Variants in ARHGAP39 observed in about 807,000 individuals in gnomAD.
ARHGAP39 encodes the protein Rho GTPase activating protein 39.
ARHGAP39 carries 44 observed loss-of-function variants against 106.9 expected under a neutral mutation model. The observed-to-expected ratio is 0.41, with a 90% CI of 0.32 to 0.53. ARHGAP39 has a LOEUF of 0.53. Among genes scored for constraint, ARHGAP39 ranks in the 20% least tolerant of loss-of-function variants. The pLI, the probability that ARHGAP39 is intolerant of heterozygous loss-of-function variation, is 0.21. For missense variants in ARHGAP39, 1,496 were observed against 1,577.3 expected (o/e 0.95, Z 0.87); for synonymous variants, 768 against 693.2 (o/e 1.11, Z -1.69).
rs575084388 is a variant in ARHGAP39 at position 144,592,000 on chromosome 8, T to C, written c.81-10723A>G. On this transcript the variant is annotated intron_variant, in intron 2 of 11. Transcript: ENST00000377307. The surrounding 1 kb of genome is among the most constrained non-coding windows in gnomAD (Gnocchi z 5.3). ...AGATTTTAGCAGAACAAAGTTGAGA[T>C]ACTCCCAAAATAGTTTTTCTGAGTA... Among the ~76,000 whole-genome samples, 1 of 152,142 alleles carries C rather than the reference T, an allele frequency of 6.6e-6. No homozygotes were observed. The highest frequency in any genetic ancestry group is 1.9e-4 in the East Asian group (1 of 5,194).
At chr8:144,598,841 G>A (rs1038293251) in intron 2 of ARHGAP39, among the ~76,000 whole-genome samples, 1 of 152,182 alleles carries the variant, frequency 6.6e-6, no homozygotes, top group Non-Finnish European at 1.5e-5. Context: ...AACAGATTTT[G>A]GCTTTTCAGA....
At chr8:144,594,495 G>A (rs959618969) in intron 2 of ARHGAP39, among the ~76,000 whole-genome samples, 2 of 152,110 alleles carry the variant, frequency 1.3e-5, no homozygotes, top group Non-Finnish European at 2.9e-5. Context: ...AGGAGTTCGA[G>A]ACCAGCCTCA....
chr8:144,689,733 C>A (rs1188930233), upstream of ARHGAP39, among the ~76,000 whole-genome samples: 1 of 150,210 alleles, frequency 6.7e-6, no homozygotes, highest in Non-Finnish European at 1.5e-5. Flanking sequence ...AGCCACCACA[C>A]CTGACTAATT....
chr8:144,620,607 G>A (rs539783966), intron 1 of ARHGAP39, among the ~76,000 whole-genome samples: 4 of 152,340 alleles, frequency 2.6e-5, no homozygotes, highest in South Asian at 2.1e-4. Flanking sequence ...GTGTGAGTAC[G>A]TGTGTGTGAG....
intron 1 of ARHGAP39, among the ~76,000 whole-genome samples, chr8:144,676,476 G>A (rs1213325805): frequency 6.6e-6 from 1 of 151,960 alleles, no homozygotes; most frequent in East Asian, 1.9e-4. Flanking sequence ...GCTGACTGGT[G>A]CGTTTACAAA....
chr8:144,568,206 C>T (rs528551197), intron 3 of ARHGAP39, among the ~76,000 whole-genome samples: 8 of 151,864 alleles, frequency 5.3e-5, no homozygotes, highest in East Asian at 1.9e-4. Flanking sequence ...TGGTGGCACA[C>T]GCCTGTAGTC....
intron 7 of ARHGAP39, among the ~76,000 whole-genome samples, chr8:144,536,086 C>T (rs1816941658): frequency 1.3e-5 from 2 of 152,188 alleles, no homozygotes; most frequent in South Asian, 4.1e-4. Flanking sequence ...TGGGCAGTGC[C>T]CATCGCCAGC....
At chr8:144,550,225 T>C (rs968692087) in intron 4 of ARHGAP39, among the ~76,000 whole-genome samples, 6 of 152,052 alleles carry the variant, frequency 3.9e-5, no homozygotes, top group African/African-American at 1.2e-4. Flanking sequence ...CAGTGAGCCA[T>C]GATCGCACCA....
chr8:144,576,768 G>A (rs577800480), intron 3 of ARHGAP39, among the ~76,000 whole-genome samples: 20 of 152,312 alleles, frequency 1.3e-4, no homozygotes, highest in African/African-American at 4.8e-4. Flanking sequence ...AGGCTCTTGA[G>A]GGAGAGTTAT....
rs547164167 is a variant in ARHGAP39 at position 144,678,587 on chromosome 8, G to A, written c.-82+7099C>T. Reference sequence around the variant, plus strand: ...TAGGTTGGGGTCACGCAGCGCTGTGGAGCATGGTCCAGGAGGCACTGGGGA... The same window carrying A: ...TAGGTTGGGGTCACGCAGCGCTGTGAAGCATGGTCCAGGAGGCACTGGGGA... On this transcript the variant is annotated intron_variant, in intron 1 of 11. Transcript: ENST00000377307. Among the ~76,000 whole-genome samples, 4 of 152,312 alleles carry A rather than the reference G, an allele frequency of 2.6e-5. No individual in the cohort carries two copies. The South Asian group carries it at 6.2e-4, about 24-fold the overall frequency.
chr8:144,580,756 T>TGGGGGGGGGGGG, intron 3 of ARHGAP39, 90 bp downstream of exon 3: 1 of 160,868 alleles, frequency 6.2e-6, no homozygotes. Context: ...CGCTCTCACC[T>TGGGGGGGGGGGG]GGCCCCGCCC....
the ARHGAP39 span, among the ~76,000 whole-genome samples, chr8:144,690,986 C>T: frequency 6.6e-6 from 1 of 152,088 alleles, no homozygotes; most frequent in Non-Finnish European, 1.5e-5. Flanking sequence ...AATTGAGTTT[C>T]TGGGCTGGGC....
At chr8:144,546,551 A>C (rs1460937751) in intron 5 of ARHGAP39, among the ~76,000 whole-genome samples, 1 of 152,152 alleles carries the variant, frequency 6.6e-6, no homozygotes, top group Non-Finnish European at 1.5e-5. Context: ...GGTGAGAACA[A>C]GGATGGAGAT....
intron 1 of ARHGAP39, among the ~76,000 whole-genome samples, chr8:144,666,960 C>A (rs1043063107): frequency 6.6e-6 from 1 of 152,152 alleles, no homozygotes; most frequent in Non-Finnish European, 1.5e-5. Context: ...TCCCTTTGAA[C>A]CTTTGTAAAC....
chr8:144,580,084 C>T (rs1443099129), intron 3 of ARHGAP39, among the ~76,000 whole-genome samples: 5 of 152,134 alleles, frequency 3.3e-5, no homozygotes, highest in Non-Finnish European at 7.4e-5. Flanking sequence ...TCTCTGGACT[C>T]GCTTCCCACG....
At chr8:144,623,466 G>C (rs2130970238) in intron 1 of ARHGAP39, among the ~76,000 whole-genome samples, 1 of 152,342 alleles carries the variant, frequency 6.6e-6, no homozygotes, top group South Asian at 2.1e-4. Context: ...TAAAAGTCAA[G>C]AATGGAAGAG....
intron 1 of ARHGAP39, among the ~76,000 whole-genome samples, chr8:144,662,654 A>G (rs1310655462): frequency 2.0e-5 from 2 of 100,864 alleles, no homozygotes; most frequent in Non-Finnish European, 4.0e-5. Flanking sequence ...ACCTTGGATC[A>G]CTCCTCCTCC....
intron 2 of ARHGAP39, among the ~76,000 whole-genome samples, chr8:144,601,926 TGC>T (rs1250259622): frequency 1.4e-5 from 2 of 140,930 alleles, no homozygotes; most frequent in African/African-American, 2.7e-5. Flanking sequence ...CCTGTGTGTG[TGC>T]ATGGAGGCGT....
At chr8:144,595,654 T>TATA (rs1282193649) in intron 2 of ARHGAP39, among the ~76,000 whole-genome samples, 1 of 152,266 alleles carries the variant, frequency 6.6e-6, no homozygotes, top group Non-Finnish European at 1.5e-5. Flanking sequence ...GGCAGGCAGG[T>TATA]ATCTGGGAAC....
Sources: allele counts gnomAD v4.1 joint callset (sites outside exome capture counted in the v4.1 genomes callset), GRCh38; gene constraint gnomAD v4.1.1; non-coding constraint Gnocchi (gnomAD v3.1); transcripts MANE v1.5; gene names NCBI Gene and HGNC (gene_info 2026-07-23, HGNC 2026-07-21).